The following DYM variants were observed in gnomAD, a reference collection of about 807,000 sequenced individuals.
The protein encoded by DYM is dyggve-Melchior-Clausen syndrome protein.
DYM carries 78 observed loss-of-function variants against 93.1 expected under a neutral mutation model. The observed-to-expected ratio is 0.84, with a 90% CI of 0.70 to 1.01. DYM has a LOEUF of 1.01. Among genes scored for constraint, DYM ranks in the 50% least tolerant of loss-of-function variants. The pLI, the probability that DYM is intolerant of heterozygous loss-of-function variation, is 0.00. For missense variants in DYM, 789 were observed against 845.0 expected (o/e 0.93, Z 0.82); for synonymous variants, 321 against 319.7 (o/e 1.00, Z -0.04).
intron 11 of DYM, among the ~76,000 whole-genome samples, chr18:49,265,775 T>A (rs1386547312): frequency 7.0e-4 from 77 of 110,194 alleles, no homozygotes; most frequent in African/African-American, 2.5e-3. Context: ...CAAAACTCCA[T>A]CTCAAAAAAA....
At chr18:49,231,839 T>C (rs2093704628) in intron 13 of DYM, among the ~76,000 whole-genome samples, 1 of 152,170 alleles carries the variant, frequency 6.6e-6, no homozygotes, top group Admixed American at 6.5e-5. Flanking sequence ...AAATACAAAC[T>C]GTAAGTACTA....
intron 14 of DYM, among the ~76,000 whole-genome samples, chr18:49,173,206 T>C (rs953381182): frequency 6.6e-6 from 1 of 152,164 alleles, no homozygotes; most frequent in East Asian, 1.9e-4. Context: ...TCCCACTGTC[T>C]TGATTACACC....
intron 8 of DYM, among the ~76,000 whole-genome samples, chr18:49,299,938 G>C (rs954755524): frequency 6.6e-6 from 1 of 150,902 alleles, no homozygotes; most frequent in East Asian, 1.9e-4. Flanking sequence ...AGCTACTCGG[G>C]AGGCTGAAGC....
chr18:49,111,136 G>T (rs1012971969), intron 16 of DYM, among the ~76,000 whole-genome samples: 1 of 151,956 alleles, frequency 6.6e-6, no homozygotes, highest in East Asian at 1.9e-4. Context: ...AAAGAACCAG[G>T]TAGTAAATAT....
intron 14 of DYM, among the ~76,000 whole-genome samples, chr18:49,202,746 C>A (rs1454857930): frequency 2.3e-5 from 1 of 43,432 alleles, no homozygotes; most frequent in African/African-American, 8.7e-5. Context: ...GTGAGGAGAC[C>A]CTCTGCCTGG....
intron 17 of DYM, among the ~76,000 whole-genome samples, chr18:49,072,435 C>T (rs1392408696): frequency 1.3e-5 from 2 of 152,172 alleles, no homozygotes; most frequent in African/African-American, 4.8e-5. Context: ...ATGAAAGTAG[C>T]CCCCAGACTC....
chr18:49,094,055 T>C (rs76913250), intron 17 of DYM, among the ~76,000 whole-genome samples: 260 of 152,344 alleles, frequency 1.7e-3, no homozygotes, highest in African/African-American at 6.1e-3. Flanking sequence ...TTCCACACTT[T>C]CTTATTTACA....
intron 5 of DYM, among the ~76,000 whole-genome samples, chr18:49,375,179 G>A (rs193073264): frequency 9.8e-5 from 13 of 132,804 alleles, no homozygotes; most frequent in Admixed American, 3.1e-4. Flanking sequence ...GTTACAAAGC[G>A]GGAAAGGGGA....
In DYM at chr18:49,323,900, C is replaced by T. The variant is rs898340460; in HGVS notation, c.763+7964G>A. ...TGATGGCTGATGCCTGTAATTCCAG[C>T]TCCAAGGCGGGCAGATCACTTGAGG... On this transcript the variant is annotated intron_variant, in intron 8 of 17. Coordinates refer to ENST00000675505, the MANE Select transcript of DYM (RefSeq NM_001353214.3). Among the ~76,000 whole-genome samples the T allele has an allele frequency of 5.9e-5, 9 of 152,040 alleles. No homozygotes were observed. In the South Asian group the frequency reaches 6.2e-4, roughly 11 times the overall value.
intron 8 of DYM, among the ~76,000 whole-genome samples, chr18:49,293,931 G>A (rs990491875): frequency 6.6e-6 from 1 of 152,144 alleles, no homozygotes; most frequent in Non-Finnish European, 1.5e-5. Flanking sequence ...TTTTCTTCTA[G>A]GGTTTTTATG....
chr18:49,350,381 G>A (rs1469561140), intron 6 of DYM, among the ~76,000 whole-genome samples: 1 of 152,172 alleles, frequency 6.6e-6, no homozygotes, highest in East Asian at 1.9e-4. Flanking sequence ...GCAACTTACA[G>A]AATAGTCTGT....
rs370147139 is a variant in DYM, at chr18:49,413,431, G to A, written c.140+16824C>T. On this transcript the variant is annotated intron_variant, in intron 2 of 17. Transcript: ENST00000675505. ...AAGTAACAATGATGCTTACGTTAGC[G>A]AATCCTTTTAGCAGAATTATATTAT... Among the ~76,000 whole-genome samples the A allele has an allele frequency of 3.2e-4, 48 of 152,158 alleles. 1 individual carries two copies. In the South Asian group the frequency reaches 7.9e-3, roughly 25 times the overall value.
chr18:49,103,185 C>T (rs2080376679), intron 16 of DYM, among the ~76,000 whole-genome samples: 1 of 152,192 alleles, frequency 6.6e-6, no homozygotes, highest in African/African-American at 2.4e-5. Flanking sequence ...AGCATTTTTT[C>T]ATGTGTCTTT....
At chr18:49,122,753 A>G (rs1471475655) in intron 15 of DYM, among the ~76,000 whole-genome samples, 1 of 152,180 alleles carries the variant, frequency 6.6e-6, no homozygotes, top group East Asian at 1.9e-4. Flanking sequence ...AAGGCTGGGG[A>G]CCGCTGCTTT....
intron 6 of DYM, among the ~76,000 whole-genome samples, chr18:49,336,569 C>T (rs117250646): frequency 2.0e-5 from 3 of 152,266 alleles, no homozygotes; most frequent in East Asian, 3.9e-4. Flanking sequence ...GTGTGTCTTC[C>T]GTAGGCCCAG....
intron 14 of DYM, among the ~76,000 whole-genome samples, chr18:49,182,255 T>C (rs1411139185): frequency 6.6e-6 from 1 of 152,206 alleles, no homozygotes; most frequent in African/African-American, 2.4e-5. Context: ...CCTATGCAAA[T>C]GTTTTGGCTG....
intron 15 of DYM, among the ~76,000 whole-genome samples, chr18:49,163,453 C>T (rs2087443944): frequency 6.6e-6 from 1 of 152,146 alleles, no homozygotes; most frequent in Non-Finnish European, 1.5e-5. Context: ...TCAAGTGATT[C>T]TCCTGCCTCG....
At position 49,446,669 on chromosome 18, in the gene DYM, G is replaced by C. The variant is rs368623473; in HGVS notation, c.-54+13729C>G. 1.8e-4 allele frequency among the ~76,000 whole-genome samples: 28 copies of C among 152,256 alleles called. No individual in the cohort carries two copies. The East Asian group carries it at 3.3e-3, about 18-fold the overall frequency. On this transcript the variant is annotated intron_variant, in intron 1 of 17. Transcript: ENST00000675505. ...TGCCAAGGTTAAAGTTGTGAAGAAG[G>C]GAATGATATACAGAGATACGGATAC... is the stretch of plus-strand genomic sequence containing the variant.
intron 13 of DYM, among the ~76,000 whole-genome samples, chr18:49,217,155 T>A (rs926304085): frequency 2.6e-5 from 4 of 152,036 alleles, no homozygotes; most frequent in African/African-American, 9.7e-5. Flanking sequence ...AGGGTATCAG[T>A]GATGCAAGAT....
Sources: gnomAD v4.1 joint callset for allele counts (sites outside exome capture counted in the v4.1 genomes callset) on GRCh38, gnomAD v4.1.1 for gene constraint, MANE v1.5 for transcripts, NCBI Gene and HGNC (gene_info 2026-07-23, HGNC 2026-07-21) for gene names.